Variants in NAGA observed in about 807,000 individuals in gnomAD.
NAGA encodes alpha-N-acetylgalactosaminidase.
In NAGA, 42 loss-of-function variants were observed where a neutral mutation model predicts 45.6. The ratio of observed to expected loss-of-function variants is 0.92; its 90% CI spans 0.72 to 1.19. The LOEUF (loss-of-function observed/expected upper bound fraction) is 1.19, where lower values mean the gene tolerates loss of function less well. NAGA is among the 50% of genes most tolerant of loss of function. The probability of loss-of-function intolerance (pLI) is 0.00; values close to 1 mark genes in which losing one functional copy is unlikely to be tolerated. For missense variants in NAGA, 493 were observed against 544.8 expected, an observed-to-expected ratio of 0.90 and a Z score of 0.95; for synonymous variants, 176 against 203.1, an observed-to-expected ratio of 0.87 and a Z score of 1.13.
At chr22:42,063,889 A>C (rs546178447) in intron 6 of NAGA, among the ~76,000 whole-genome samples, 1 of 152,204 alleles carries the variant, frequency 6.6e-6, no homozygotes, top group Non-Finnish European at 1.5e-5. Context: ...CCTCATTTCT[A>C]CTGAAAATAT....
Position 42,059,902 on chromosome 22 carries a change from G to T in NAGA, c.*377C>A. On this transcript the variant is annotated 3_prime_UTR_variant, in exon 9 of 9. Coordinates refer to ENST00000396398, the MANE Select transcript of NAGA (RefSeq NM_000262.3). ...CATGATCCATGGGCATTCCTGGCAAGAGGTCAGATCTCTCTACTCCTAATT... is the reference window on the plus strand; with the variant it reads ...CATGATCCATGGGCATTCCTGGCAATAGGTCAGATCTCTCTACTCCTAATT... The T allele has an allele frequency of 3.5e-6, 1 of 289,184 alleles. No individual in the cohort carries two copies. The highest frequency in any genetic ancestry group is 6.9e-6 in the Non-Finnish European group (1 of 144,460). 17.9% of individuals were successfully genotyped at this position (289,184 alleles called of 1,614,324 possible). A position where few individuals can be genotyped will look rare whatever the true frequency, so the allele number is the denominator to read the frequency against.
chr22:42,063,460 C>T (rs1926528609), intron 6 of NAGA, among the ~76,000 whole-genome samples: 1 of 152,068 alleles, frequency 6.6e-6, no homozygotes, highest in Non-Finnish European at 1.5e-5. Context: ...ACAACCATGG[C>T]ACCACCACCT....
chr22:42,065,317 G>A (rs889088573), intron 6 of NAGA, among the ~76,000 whole-genome samples: 1 of 152,242 alleles, frequency 6.6e-6, no homozygotes, highest in Admixed American at 6.5e-5. Flanking sequence ...GCAGGACTGT[G>A]AGGGCCAGTT....
chr22:42,067,410 C>T, intron 3 of NAGA, 120 bp from the exon 4 acceptor site: 4 of 1,281,412 alleles, frequency 3.1e-6, no homozygotes, highest in South Asian at 1.2e-5. Context: ...GAGATGGTCC[C>T]AGCATGCTGG....
intron 6 of NAGA, among the ~76,000 whole-genome samples, chr22:42,064,764 T>C (rs867731391): frequency 6.6e-6 from 1 of 152,132 alleles, no homozygotes; most frequent in Non-Finnish European, 1.5e-5. Context: ...TCAAAAAGCT[T>C]ATAAACTAGG....
Position 42,066,786 on chromosome 22 carries a change from G to A in NAGA, c.521C>T (p.Ala174Val). The change falls in exon 5 of 9, where the codon GCT becomes GTT. Residue 174 changes from alanine to valine, a missense_variant. Physicochemically the swap from Ala to Val is moderately conservative, Grantham distance 64. Transcript: ENST00000396398. ...ERAQGYPKMA[A>V]ALNATGRPIA... ...GGGGCGGCCTGTGGCATTCAGGGCAGCAGCCATCTTGGGGTACCCTAGAGA... is the reference window on the plus strand; with the variant it reads ...GGGGCGGCCTGTGGCATTCAGGGCAACAGCCATCTTGGGGTACCCTAGAGA... The A allele has an allele frequency of 6.8e-6, 11 of 1,606,414 alleles. No individual in the cohort carries two copies. In the South Asian group the frequency reaches 1.2e-4, roughly 18 times the overall value.
chr22:42,066,934 A>G lies in NAGA; in HGVS notation c.503-130T>C, dbSNP rs1349131521. The G allele has an allele frequency of 2.2e-6, 3 of 1,360,070 alleles. No homozygotes were observed. The East Asian group carries it at 7.1e-5, about 32-fold the overall frequency. The allele number at this position is 1,360,070 out of a possible 1,614,324, so 84.3% of individuals were successfully genotyped here. A position where few individuals can be genotyped will look rare whatever the true frequency, so the allele number is the denominator to read the frequency against. On this transcript the variant is annotated intron_variant, in intron 4 of 8. Coordinates refer to ENST00000396398, the MANE Select transcript of NAGA (RefSeq NM_000262.3). ...AGTAGGTGCCTCCCCACATACCCAGAGCCTCAAATGCTTCCAGGGTGGGCT... is the reference window on the plus strand; with the variant it reads ...AGTAGGTGCCTCCCCACATACCCAGGGCCTCAAATGCTTCCAGGGTGGGCT...
At chr22:42,067,351 A>G (rs1926802912) in intron 3 of NAGA, 61 bp from the exon 4 acceptor site, 1 of 1,597,840 alleles carries the variant, frequency 6.3e-7, no homozygotes, top group African/African-American at 1.3e-5. Flanking sequence ...TCCTCAAGGC[A>G]TATCTGACCC....
intron 6 of NAGA, among the ~76,000 whole-genome samples, chr22:42,063,569 C>T (rs1781285276): frequency 6.6e-6 from 1 of 152,198 alleles, no homozygotes; most frequent in African/African-American, 2.4e-5. Context: ...ATGAAAAAAG[C>T]ATTGTAAAAC....
intron 7 of NAGA, among the ~76,000 whole-genome samples, chr22:42,061,865 T>C (rs1926414882): frequency 6.8e-6 from 1 of 146,846 alleles, no homozygotes; most frequent in African/African-American, 2.5e-5. Context: ...GGCAGGAAAA[T>C]CGCTTGAACC....
rs1049189891 is a variant in NAGA at position 42,060,179 on chromosome 22, G to C, written c.*100C>G. 5 of 1,492,220 alleles carry C rather than the reference G, an allele frequency of 3.4e-6. No homozygotes were observed. The highest frequency in any genetic ancestry group is 4.6e-6 in the Non-Finnish European group (5 of 1,081,320). 92.4% of individuals were successfully genotyped at this position (1,492,220 alleles called of 1,614,324 possible). On this transcript the variant is annotated 3_prime_UTR_variant, in exon 9 of 9. Transcript: ENST00000396398. ...TATGATGGGGTCAGTCACCGAGCAG[G>C]CCTGGGGAGCAGAGAACCTCCCCAC...
chr22:42,070,166 A>C, intron 1 of NAGA, 116 bp downstream of exon 1: 2 of 1,201,678 alleles, frequency 1.7e-6, no homozygotes, highest in Non-Finnish European at 2.5e-6. Flanking sequence ...GCCCAGCTCT[A>C]AGTAAAAGAG....
chr22:42,061,866 C>T (rs1045858937), intron 7 of NAGA, among the ~76,000 whole-genome samples: 9 of 148,012 alleles, frequency 6.1e-5, no homozygotes, highest in Admixed American at 1.4e-4. Flanking sequence ...GCAGGAAAAT[C>T]GCTTGAACCT....
At chr22:42,062,791 T>C in intron 7 of NAGA, 36 bp downstream of exon 7, 1 of 1,607,570 alleles carries the variant, frequency 6.2e-7, no homozygotes, top group Non-Finnish European at 8.5e-7. Flanking sequence ...ACCCAGTTCC[T>C]CAGCCCTCCC....
intron 6 of NAGA, 71 bp from the exon 7 acceptor site, chr22:42,063,095 C>G (rs1366585431): frequency 2.0e-6 from 3 of 1,480,638 alleles, no homozygotes; most frequent in African/African-American, 2.8e-5. Context: ...CATCCCCAAA[C>G]TTGTAGCCGA....
In NAGA at chr22:42,067,828, G is replaced by A. The variant is rs1488681636; in HGVS notation, c.261C>T (p.Ala87=). Residue 87 remains alanine (A), a synonymous_variant, in exon 3 of 9, where the codon GCC becomes GCT. Transcript: ENST00000396398. ...TGGGATCCGGCATCAGGCGGCCACT[G>A]GCATCGCGACCACCGATCCAGCAGT... ...IDDCWIGGRD[A]SGRLMPDPKR... is the part of the protein sequence containing the mutation. The A allele has an allele frequency of 6.2e-7, 1 of 1,612,570 alleles. No homozygotes were observed. Among genetic ancestry groups the A allele is most frequent in the Middle Eastern group, 1.7e-4 (1 of 5,930 alleles).
intron 8 of NAGA, 66 bp from the exon 9 acceptor site, chr22:42,060,479 G>A: frequency 6.2e-7 from 1 of 1,604,110 alleles, no homozygotes; most frequent in Non-Finnish European, 8.5e-7. Context: ...CCCCCCGCTA[G>A]AGGATGTAGA....
chr22:42,068,488 G>A lies in NAGA; in HGVS notation c.103C>T (p.Arg35Cys), dbSNP rs376933189. 5.1e-5 allele frequency: 83 copies of A among 1,614,028 alleles called. No individual in the cohort carries two copies. The highest frequency in any genetic ancestry group is 3.3e-4 in the Middle Eastern group (2 of 6,084). The change falls in exon 2 of 9, where the codon CGC (arginine) becomes TGC (cysteine). Residue 35 changes from arginine to cysteine, a missense_variant. Arg to Cys is a radical substitution (Grantham distance 180). Transcript: ENST00000396398. Reference sequence around the variant, plus strand: ...TCACAGTTAATGTTGCAGCGGAAGCGTTCCCAGGCCAGCCAGCCCATGGGT... The same window carrying A: ...TCACAGTTAATGTTGCAGCGGAAGCATTCCCAGGCCAGCCAGCCCATGGGT... ...TPPMGWLAWE[R>C]FRCNINCDED...
At position 42,070,519 on chromosome 22, in the gene NAGA, G is replaced by A; in HGVS notation, c.-222C>T. On this transcript the variant is annotated 5_prime_UTR_variant, in exon 1 of 9. Transcript: ENST00000396398. Reference sequence around the variant, plus strand: ...TCCCGGAGCTTCAGTTCTTCCTTCAGAAATACGAAACAACGTGTCTTGGAT... The same window carrying A: ...TCCCGGAGCTTCAGTTCTTCCTTCAAAAATACGAAACAACGTGTCTTGGAT... The A allele has an allele frequency of 6.2e-6, 4 of 646,302 alleles. No homozygotes were observed. Among genetic ancestry groups the A allele is most frequent in the Non-Finnish European group, 1.1e-5 (4 of 353,914 alleles). The allele number at this position is 646,302 out of a possible 1,614,324, so 40.0% of individuals were successfully genotyped here. A position where few individuals can be genotyped will look rare whatever the true frequency, so the allele number is the denominator to read the frequency against.
Sources: gnomAD v4.1 joint callset for allele counts (sites outside exome capture counted in the v4.1 genomes callset) on GRCh38, gnomAD v4.1.1 for gene constraint, MANE v1.5 for transcripts, NCBI Gene and HGNC (gene_info 2026-07-23, HGNC 2026-07-21) for gene names.